CLCN4: variants seen among roughly 807,000 people sequenced by gnomAD.
The protein encoded by CLCN4 is H(+)/Cl(-) exchange transporter 4.
A neutral mutation model predicts 41.7 loss-of-function variants in CLCN4; 1 was observed. The observed-to-expected ratio is 0.02, with a 90% CI of 0.01 to 0.11. CLCN4 has a LOEUF of 0.11. CLCN4 is among the 10% of genes least tolerant of loss of function. The pLI, the probability that CLCN4 is intolerant of heterozygous loss-of-function variation, is 1.00. For missense variants in CLCN4, 287 were observed against 661.0 expected (o/e 0.43, Z 6.20); for synonymous variants, 277 against 285.8 (o/e 0.97, Z 0.31).
At chrX:10,175,976 G>C (rs201049206) in intron 2 of CLCN4, among the ~76,000 whole-genome samples, 19,190 of 64,833 alleles carry the variant, frequency 0.3, 3,458 homozygotes, top group East Asian at 0.89. Context: ...CTCTCTGTGT[G>C]TGTGTGTATG....
Position 10,232,269 on chromosome X carries a change from A to G in CLCN4, c.2193-1225A>G, listed in dbSNP as rs373807951. On this transcript the variant is annotated intron_variant, in intron 12 of 12. Coordinates refer to ENST00000380833, the MANE Select transcript of CLCN4 (RefSeq NM_001830.4). ...CTGACAGTTTGAATAATCAGTGTCTATTTCACCAGGTGTAACTGATTTGAA... is the reference window on the plus strand; with the variant it reads ...CTGACAGTTTGAATAATCAGTGTCTGTTTCACCAGGTGTAACTGATTTGAA... Among the ~76,000 whole-genome samples, 3 of 112,201 alleles carry G rather than the reference A, an allele frequency of 2.7e-5. No individual in the cohort carries two copies. The East Asian group carries it at 8.4e-4, about 31-fold the overall frequency.
chrX:10,223,228 C>A (rs1692717151), intron 12 of CLCN4, among the ~76,000 whole-genome samples: 1 of 112,054 alleles, frequency 8.9e-6, no homozygotes, highest in South Asian at 3.7e-4. Flanking sequence ...ACTGTGATTG[C>A]CCATGCTGTC....
chrX:10,195,039 G>A lies in CLCN4; in HGVS notation c.373G>A (p.Asp125Asn). ...CWTSNETTFE[D>N]RDKCPLWQKW... The stretch of plus-strand genomic sequence containing the variant: ...GACTTCTAACGAGACCACTTTTGAG[G>A]ACAGAGACAAGTGTCCCCTGTGGCA... Residue 125 changes from aspartate to asparagine, a missense_variant, in exon 5 of 13, where the codon GAC becomes AAC. Asp to Asn is a conservative substitution (Grantham distance 23). Around this residue, in one of 6 missense-constraint regions of CLCN4, gnomAD observed 90 missense variants for 209.8 expected, o/e 0.43. Coordinates refer to ENST00000380833, the MANE Select transcript of CLCN4 (RefSeq NM_001830.4). 2 of 1,211,650 alleles carry A rather than the reference G, an allele frequency of 1.7e-6. No individual in the cohort carries two copies. The highest frequency in any genetic ancestry group is 2.2e-6 in the Non-Finnish European group (2 of 895,444).
chrX:10,210,035 C>T (rs776862325), intron 9 of CLCN4, among the ~76,000 whole-genome samples: 10 of 111,733 alleles, frequency 8.9e-5, no homozygotes, highest in African/African-American at 3.3e-4. Context: ...CCGGCAACCA[C>T]TAATCTGTCT....
At position 10,187,680 on chromosome X, in the gene CLCN4, C is replaced by T. The variant is rs904616900; in HGVS notation, c.244+66C>T. 4.7e-6 allele frequency: 4 copies of T among 850,264 alleles called. No homozygotes were observed. The African/African-American group carries it at 7.9e-5, about 17-fold the overall frequency. The allele number at this position is 850,264 out of a possible 1,213,427, so 70.1% of individuals were successfully genotyped here. ...GAGGCCGAAACCTCAAAACACGAAC[C>T]CTCTGGGAGATTTGGAATATAGCGC... On this transcript the variant is annotated intron_variant, in intron 4 of 12. Transcript: ENST00000380833.
chrX:10,217,289 A>G (rs757051359), intron 11 of CLCN4, among the ~76,000 whole-genome samples: 3 of 110,179 alleles, frequency 2.7e-5, no homozygotes, highest in Non-Finnish European at 5.7e-5. Flanking sequence ...TAACAGGATG[A>G]TAGACTATTA....
chrX:10,196,746 G>A (rs1289762820), intron 5 of CLCN4, among the ~76,000 whole-genome samples: 1 of 111,337 alleles, frequency 9.0e-6, no homozygotes, highest in Non-Finnish European at 1.9e-5. Context: ...TGATGGGAGC[G>A]GGCAGACAGA....
At chrX:10,193,591 G>A (rs191926884) in intron 4 of CLCN4, among the ~76,000 whole-genome samples, 1 of 111,584 alleles carries the variant, frequency 9.0e-6, no homozygotes, top group African/African-American at 3.3e-5. Context: ...AGAGTCAGAT[G>A]ATGCTGAGAG....
At chrX:10,216,791 G>C (rs1924719400) in intron 11 of CLCN4, among the ~76,000 whole-genome samples, 1 of 102,413 alleles carries the variant, frequency 9.8e-6, no homozygotes, top group African/African-American at 3.6e-5. Context: ...GTCAGACAAG[G>C]GAGAAAGAGG....
intron 2 of CLCN4, 77 bp downstream of exon 2, chrX:10,158,628 C>T (rs1402181411): frequency 1.9e-5 from 5 of 258,783 alleles, no homozygotes; most frequent in Non-Finnish European, 3.4e-5. Flanking sequence ...GCCCGGCCCG[C>T]GGGCCTGCAG....
chrX:10,232,358 C>T lies in CLCN4; in HGVS notation c.2193-1136C>T, dbSNP rs187251953. On this transcript the variant is annotated intron_variant, in intron 12 of 12. Coordinates refer to ENST00000380833, the MANE Select transcript of CLCN4 (RefSeq NM_001830.4). ...TAAGAGATAAATTTGACTAATTTTG[C>T]CTTAATTAAATAAATGACAGTATAT... 6.2e-5 allele frequency among the ~76,000 whole-genome samples: 7 copies of T among 112,124 alleles called. No homozygotes were observed. In the East Asian group the frequency reaches 1.1e-3, roughly 18 times the overall value.
At chrX:10,202,437 C>T (rs764872732) in intron 6 of CLCN4, among the ~76,000 whole-genome samples, 8 of 109,464 alleles carry the variant, frequency 7.3e-5, no homozygotes, top group African/African-American at 2.7e-4. Flanking sequence ...CACACCACTG[C>T]ACTCCAGTCT....
chrX:10,197,712 T>C (rs950538807), intron 5 of CLCN4, among the ~76,000 whole-genome samples: 1 of 111,747 alleles, frequency 8.9e-6, no homozygotes, highest in Admixed American at 9.5e-5. Context: ...AAGGCGCGTG[T>C]AAACAGCTCC....
At chrX:10,165,026 CT>C (rs759995444) in intron 2 of CLCN4, among the ~76,000 whole-genome samples, 551 of 112,692 alleles carry the variant, frequency 4.9e-3, no homozygotes, top group African/African-American at 0.017. Context: ...CACTTGTTCC[CT>C]TGTTGCCTTC....
chrX:10,197,359 G>A (rs748624111), intron 5 of CLCN4, among the ~76,000 whole-genome samples: 157 of 111,656 alleles, frequency 1.4e-3, no homozygotes, highest in African/African-American at 4.9e-3. Context: ...GCCCCAGCCG[G>A]GAGTGTCTGG....
chrX:10,224,459 G>C (rs1381641329), intron 12 of CLCN4, among the ~76,000 whole-genome samples: 4 of 105,746 alleles, frequency 3.8e-5, no homozygotes, highest in African/African-American at 1.0e-4. Flanking sequence ...AACTGTAGGG[G>C]GCACAAAAAG....
chrX:10,194,900 A>G lies in CLCN4; in HGVS notation c.245-11A>G, dbSNP rs754978935. ...GCGATTCCTCTTAGTGGCTCGTGTT[A>G]CTTCTTCCAGGCACCTTGGCTGGGG... On this transcript the variant is annotated splice_polypyrimidine_tract_variant and intron_variant, in intron 4 of 12. Transcript: ENST00000380833. 8.3e-7 allele frequency: 1 copy of G among 1,206,880 alleles called. No individual in the cohort carries two copies. Among genetic ancestry groups the G allele is most frequent in the South Asian group, 1.8e-5 (1 of 56,432 alleles).
chrX:10,199,394 A>T (rs1345291292), intron 6 of CLCN4, among the ~76,000 whole-genome samples: 1 of 112,605 alleles, frequency 8.9e-6, no homozygotes. Flanking sequence ...CACAATAAAT[A>T]TGTCACTTCC....
chrX:10,162,913 C>T (rs148742994), intron 2 of CLCN4, among the ~76,000 whole-genome samples: 1,726 of 112,927 alleles, frequency 0.015, 49 homozygotes, highest in African/African-American at 0.052. Flanking sequence ...GCAGATAGAG[C>T]CAAATGTGAA....
Sources: allele counts gnomAD v4.1 joint callset (sites outside exome capture counted in the v4.1 genomes callset), GRCh38; gene constraint gnomAD v4.1.1; regional missense constraint gnomAD v4.1.1; transcripts MANE v1.5; gene names NCBI Gene and HGNC (gene_info 2026-07-23, HGNC 2026-07-21).